ME1: variants seen among roughly 807,000 people sequenced by gnomAD.
ME1 encodes the protein NADP-dependent malic enzyme.
Under a neutral mutation model 66.4 loss-of-function variants are expected in ME1, and 74 were observed. The observed-to-expected ratio is 1.11, with a 90% CI of 0.92 to 1.35. The LOEUF (loss-of-function observed/expected upper bound fraction) is 1.35, where lower values mean the gene tolerates loss of function less well. Among genes scored for constraint, ME1 ranks in the 40% most tolerant of loss-of-function variants. The pLI is 0.00. For synonymous variants in ME1, 251 were observed against 235.6 expected, an observed-to-expected ratio of 1.07 and a Z score of -0.60; for missense variants, 750 against 694.1, an observed-to-expected ratio of 1.08 and a Z score of -0.90.
intron 5 of ME1, among the ~76,000 whole-genome samples, chr6:83,319,772 A>T (rs1225494346): frequency 2.6e-5 from 4 of 152,184 alleles, no homozygotes; most frequent in Admixed American, 6.5e-5. Context: ...TCTCTTCCCC[A>T]TGTAGGTGGC....
intron 3 of ME1, among the ~76,000 whole-genome samples, chr6:83,379,881 G>C (rs1262188903): frequency 6.6e-6 from 1 of 151,982 alleles, no homozygotes; most frequent in Non-Finnish European, 1.5e-5. Context: ...TATACCTCTT[G>C]TCAAAAGAAA....
At chr6:83,304,969 G>T (rs1767798987) in intron 6 of ME1, among the ~76,000 whole-genome samples, 3 of 152,096 alleles carry the variant, frequency 2.0e-5, no homozygotes, top group South Asian at 4.1e-4. Context: ...TTCCTTGAGG[G>T]ATAATCTGCT....
chr6:83,381,743 G>T (rs1296274696), intron 3 of ME1, among the ~76,000 whole-genome samples: 1 of 152,046 alleles, frequency 6.6e-6, no homozygotes, highest in Non-Finnish European at 1.5e-5. Context: ...AATTGGAAAG[G>T]GATCCAATAC....
intron 3 of ME1, among the ~76,000 whole-genome samples, chr6:83,380,160 A>G (rs1036021280): frequency 2.6e-5 from 4 of 152,162 alleles, no homozygotes. Context: ...CAGTCAGTAG[A>G]TAGAAAAGAA....
chr6:83,322,542 A>G (rs960910180), intron 5 of ME1, among the ~76,000 whole-genome samples: 2 of 152,150 alleles, frequency 1.3e-5, no homozygotes, highest in African/African-American at 4.8e-5. Flanking sequence ...AATCAAGTAG[A>G]AGAGAGGATA....
chr6:83,333,952 G>C (rs367575840), intron 5 of ME1, among the ~76,000 whole-genome samples: 11 of 151,980 alleles, frequency 7.2e-5, no homozygotes, highest in East Asian at 3.9e-4. Flanking sequence ...TCCAAGTCAG[G>C]GGGGGAGGAG....
chr6:83,375,398 T>C (rs1356956102), intron 3 of ME1, among the ~76,000 whole-genome samples: 3 of 152,154 alleles, frequency 2.0e-5, no homozygotes, highest in African/African-American at 7.2e-5. Context: ...TCTGCTTGTC[T>C]ATTGTTGGTG....
intron 5 of ME1, among the ~76,000 whole-genome samples, chr6:83,328,563 T>A (rs182319461): frequency 2.0e-5 from 3 of 152,290 alleles, no homozygotes; most frequent in Non-Finnish European, 4.4e-5. Context: ...ATTAGTGCAT[T>A]CTCAGAGATT....
intron 1 of ME1, among the ~76,000 whole-genome samples, chr6:83,427,695 C>A (rs1307387535): frequency 6.6e-6 from 1 of 151,912 alleles, no homozygotes; most frequent in Non-Finnish European, 1.5e-5. Context: ...TGCCCTATGA[C>A]AATCAAAGAA....
Position 83,216,610 on chromosome 6 carries a change from G to T in ME1, c.1450-14C>A, listed in dbSNP as rs780185399. ...CTGAGCTATAACCTTATGAAAAAAAGAAAGAAAAAAAGTGTTTATACTTCA... is the reference window on the plus strand; with the variant it reads ...CTGAGCTATAACCTTATGAAAAAAATAAAGAAAAAAAGTGTTTATACTTCA... On this transcript the variant is annotated splice_polypyrimidine_tract_variant and intron_variant, in intron 12 of 13. Coordinates refer to ENST00000369705, the MANE Select transcript of ME1 (RefSeq NM_002395.6). 2 of 1,566,110 alleles carry T rather than the reference G, an allele frequency of 1.3e-6. No homozygotes were observed. Among genetic ancestry groups the T allele is most frequent in the South Asian group, 1.2e-5 (1 of 85,118 alleles).
chr6:83,369,409 T>G (rs1190357754), intron 3 of ME1, among the ~76,000 whole-genome samples: 1 of 152,132 alleles, frequency 6.6e-6, no homozygotes, highest in Non-Finnish European at 1.5e-5. Context: ...TTTTTCCAAG[T>G]CAATGACCTT....
At chr6:83,227,574 T>C (rs1790222601) in intron 10 of ME1, 97 bp from the exon 11 acceptor site, 1 of 1,050,660 alleles carries the variant, frequency 9.5e-7, no homozygotes, top group Non-Finnish European at 1.3e-6. Flanking sequence ...CAGCTCATTT[T>C]CTAATAGACC....
chr6:83,228,818 A>T lies in ME1; in HGVS notation c.1132+8T>A. The T allele has an allele frequency of 6.4e-7, 1 of 1,573,996 alleles. No individual in the cohort carries two copies. The highest frequency in any genetic ancestry group is 8.7e-7 in the Non-Finnish European group (1 of 1,151,790). On this transcript the variant is annotated splice_region_variant and intron_variant, in intron 10 of 13. Coordinates refer to ENST00000369705, the MANE Select transcript of ME1 (RefSeq NM_002395.6). The stretch of plus-strand genomic sequence containing the variant: ...GGTAGGGGAGAAGGGAGAGGAGAAA[A>T]TGCTTACCTATGAGGGCAGTTGGTT...
At chr6:83,259,689 C>A (rs79348471) in intron 6 of ME1, among the ~76,000 whole-genome samples, 2 of 152,134 alleles carry the variant, frequency 1.3e-5, no homozygotes, top group Non-Finnish European at 2.9e-5. Flanking sequence ...TAGGTAACAA[C>A]GAAGAAGATG....
chr6:83,386,269 T>C (rs1769501290), intron 3 of ME1, among the ~76,000 whole-genome samples: 2 of 151,856 alleles, frequency 1.3e-5, no homozygotes. Context: ...CTATTTGATG[T>C]TTAAGAGAAT....
chr6:83,245,565 C>T (rs1219807736), intron 7 of ME1, among the ~76,000 whole-genome samples: 1 of 151,940 alleles, frequency 6.6e-6, no homozygotes, highest in East Asian at 1.9e-4. Flanking sequence ...ACCATCATGC[C>T]CGGCTAATTT....
At chr6:83,294,353 C>T (rs1767556365) in intron 6 of ME1, among the ~76,000 whole-genome samples, 1 of 152,176 alleles carries the variant, frequency 6.6e-6, no homozygotes, top group Admixed American at 6.5e-5. Context: ...GACATTCCAA[C>T]TCTAAGATTT....
intron 4 of ME1, among the ~76,000 whole-genome samples, chr6:83,349,395 G>T (rs1768754978): frequency 6.6e-6 from 1 of 152,164 alleles, no homozygotes; most frequent in Admixed American, 6.5e-5. Flanking sequence ...AGTCACAACT[G>T]CAGGATTAAT....
rs1770440486 is a variant in ME1, at chr6:83,429,444, T to TG, written c.78+1432dup. ...CCTTCTTAAGTGTCAACCCACAACTTGGTCATAAATTACAGTAGGCAGGTG... is the reference window on the plus strand; with the variant it reads ...CCTTCTTAAGTGTCAACCCACAACTTGGGTCATAAATTACAGTAGGCAGGTG... On this transcript the variant is annotated intron_variant, in intron 1 of 13. Coordinates refer to ENST00000369705, the MANE Select transcript of ME1 (RefSeq NM_002395.6). 6.6e-5 allele frequency among the ~76,000 whole-genome samples: 10 copies of TG among 152,288 alleles called. No homozygotes were observed. The South Asian group carries it at 1.9e-3, about 28-fold the overall frequency.
Sources: gnomAD v4.1 joint callset for allele counts (sites outside exome capture counted in the v4.1 genomes callset) on GRCh38, gnomAD v4.1.1 for gene constraint, MANE v1.5 for transcripts, NCBI Gene and HGNC (gene_info 2026-07-23, HGNC 2026-07-21) for gene names.